Variants in CAPN9 observed in about 807,000 individuals in gnomAD.
CAPN9 encodes calpain-9.
In CAPN9, 81 loss-of-function variants were observed where a neutral mutation model predicts 92.8. That is an observed-to-expected ratio of 0.87 (90% CI 0.73 to 1.05). CAPN9 has a LOEUF of 1.05. CAPN9 is among the 50% of genes least tolerant of loss of function. The probability of loss-of-function intolerance (pLI) is 0.00; values close to 1 mark genes in which losing one functional copy is unlikely to be tolerated. For synonymous variants in CAPN9, 304 were observed against 328.0 expected (o/e 0.93, Z 0.79); for missense variants, 848 against 866.2 (o/e 0.98, Z 0.26).
chr1:230,749,784 G>C (rs549345510), intron 1 of CAPN9, among the ~76,000 whole-genome samples: 4 of 152,288 alleles, frequency 2.6e-5, no homozygotes, highest in African/African-American at 9.6e-5. Flanking sequence ...TTAGCAAAGA[G>C]CCTGGTGTGT....
chr1:230,747,911 G>A (rs1485938965), intron 1 of CAPN9, among the ~76,000 whole-genome samples: 4 of 152,132 alleles, frequency 2.6e-5, no homozygotes, highest in Non-Finnish European at 4.4e-5. Flanking sequence ...GTGGGGACCC[G>A]GGGCATCTGG....
chr1:230,779,205 GGGCCGGGT>G, intron 9 of CAPN9, 72 bp downstream of exon 9: 1 of 1,426,818 alleles, frequency 7.0e-7, no homozygotes, highest in Non-Finnish European at 9.7e-7. Flanking sequence ...CAAAGGATAA[GGGCCGGGT>G]CCTCAGAGAA....
chr1:230,763,655 C>A (rs1665785503), intron 4 of CAPN9, among the ~76,000 whole-genome samples: 1 of 152,166 alleles, frequency 6.6e-6, no homozygotes, highest in Admixed American at 6.5e-5. Context: ...ATCTTCAAGC[C>A]ATGAGAATAC....
At chr1:230,789,998 A>C in intron 13 of CAPN9, 134 bp from the exon 14 acceptor site, 1 of 649,366 alleles carries the variant, frequency 1.5e-6, no homozygotes, top group East Asian at 2.8e-5. Flanking sequence ...AGATAGGTAC[A>C]TCTGCCCACA....
At chr1:230,787,635 G>A in intron 13 of CAPN9, 33 bp downstream of exon 13, 1 of 1,585,436 alleles carries the variant, frequency 6.3e-7, no homozygotes, top group Non-Finnish European at 8.7e-7. Flanking sequence ...CTCCCCACCA[G>A]GCTGAGGGCC....
intron 17 of CAPN9, among the ~76,000 whole-genome samples, 164 bp downstream of exon 17, chr1:230,793,092 C>G (rs545807828): frequency 6.6e-6 from 1 of 152,292 alleles, no homozygotes; most frequent in African/African-American, 2.4e-5. Flanking sequence ...CACCAGGGTT[C>G]AGACCCAGGA....
chr1:230,757,731 A>C (rs1238242767), intron 2 of CAPN9, among the ~76,000 whole-genome samples: 1 of 151,372 alleles, frequency 6.6e-6, no homozygotes, highest in Middle Eastern at 3.2e-3. Flanking sequence ...AAAAAAAAAA[A>C]AAAACTAGAA....
chr1:230,787,022 G>A (rs539585339), intron 12 of CAPN9, among the ~76,000 whole-genome samples: 10 of 152,266 alleles, frequency 6.6e-5, no homozygotes, highest in Admixed American at 5.9e-4. Flanking sequence ...CCATGCTGGG[G>A]CACAGCTTAT....
Position 230,767,672 on chromosome 1 carries a change from C to A in CAPN9, c.668C>A (p.Ala223Asp), listed in dbSNP as rs1025761017. 6.2e-7 allele frequency: 1 copy of A among 1,613,504 alleles called. No homozygotes were observed. The highest frequency in any genetic ancestry group is 8.5e-7 in the Non-Finnish European group (1 of 1,179,910). ...PENFYEILEK[A>D]LKRGSLLGCF... ...AACTTCTATGAGATTCTAGAGAAGG[C>A]TTTGAAGAGAGGCTCCCTGCTGGGC... The change falls in exon 5 of 20, where the codon GCT (alanine) becomes GAT (aspartate). Residue 223 changes from alanine to aspartate, a missense_variant. Transcript: ENST00000271971.
chr1:230,800,770 T>C (rs537204106), intron 19 of CAPN9, among the ~76,000 whole-genome samples: 1 of 152,318 alleles, frequency 6.6e-6, no homozygotes, highest in South Asian at 2.1e-4. Context: ...GGCCCAAGCA[T>C]TGTTTTTCTT....
intron 1 of CAPN9, among the ~76,000 whole-genome samples, chr1:230,748,451 C>T (rs1261948632): frequency 1.3e-5 from 2 of 152,126 alleles, no homozygotes; most frequent in East Asian, 1.9e-4. Flanking sequence ...CTGTGGGGTC[C>T]GGTTGCTTTT....
chr1:230,775,746 C>T (rs1183425389), intron 8 of CAPN9, among the ~76,000 whole-genome samples: 1 of 152,050 alleles, frequency 6.6e-6, no homozygotes, highest in Non-Finnish European at 1.5e-5. Flanking sequence ...TGAAACCCCA[C>T]CCCTGCTAAA....
intron 1 of CAPN9, among the ~76,000 whole-genome samples, chr1:230,753,630 G>T (rs1887209): frequency 6.6e-6 from 1 of 151,940 alleles, no homozygotes; most frequent in Non-Finnish European, 1.5e-5. Flanking sequence ...AGCTCCCCAC[G>T]TGGCGTCCGC....
chr1:230,782,181 A>G (rs1667270672), intron 11 of CAPN9, among the ~76,000 whole-genome samples: 2 of 152,174 alleles, frequency 1.3e-5, no homozygotes, highest in Admixed American at 1.3e-4. Flanking sequence ...CATGGCAAAA[A>G]ACTCCATACT....
At position 230,780,198 on chromosome 1, in the gene CAPN9, A is replaced by C. The variant is rs1432755608; in HGVS notation, c.1134A>C (p.Pro378=). Residue 378 remains proline, a synonymous_variant, in exon 10 of 20, where the codon CCA becomes CCC. Coordinates refer to ENST00000271971, the MANE Select transcript of CAPN9 (RefSeq NM_006615.3). The part of the protein sequence containing the change: ...RNFLDTFWTN[P]QIKLSLTEKD... ...TGACAGATACCTTTTGGACCAATCC[A>C]CAAATAAAATTGTCTCTGACTGAGA... is the stretch of plus-strand genomic sequence containing the variant. 6.2e-7 allele frequency: 1 copy of C among 1,613,762 alleles called. No homozygotes were observed. The highest frequency in any genetic ancestry group is 8.5e-7 in the Non-Finnish European group (1 of 1,179,980).
chr1:230,795,002 C>T, intron 17 of CAPN9, 161 bp from the exon 18 acceptor site: 3 of 610,334 alleles, frequency 4.9e-6, no homozygotes, highest in Non-Finnish European at 8.8e-6. Flanking sequence ...ACACCAAGGG[C>T]AGCAGTCCCA....
chr1:230,792,008 A>T, intron 15 of CAPN9, 80 bp downstream of exon 15: 1 of 998,556 alleles, frequency 1.0e-6, no homozygotes, highest in Admixed American at 1.8e-5. Context: ...AATAGTGCAG[A>T]CTCTCCAAGA....
chr1:230,767,415 C>T (rs1666058450), intron 4 of CAPN9, 126 bp from the exon 5 acceptor site: 2 of 740,418 alleles, frequency 2.7e-6, no homozygotes, highest in Admixed American at 2.8e-5. Flanking sequence ...CTTCCTTCCA[C>T]ACCACCCAGC....
chr1:230,758,045 GC>G (rs1340563898), intron 2 of CAPN9, among the ~76,000 whole-genome samples: 2 of 152,160 alleles, frequency 1.3e-5, no homozygotes, highest in African/African-American at 4.8e-5. Context: ...TGGGTGGCCA[GC>G]CCCATCCATC....
Sources: allele counts gnomAD v4.1 joint callset (sites outside exome capture counted in the v4.1 genomes callset), GRCh38; gene constraint gnomAD v4.1.1; transcripts MANE v1.5; gene names NCBI Gene and HGNC (gene_info 2026-07-23, HGNC 2026-07-21).